CDT1: variants seen among roughly 807,000 people sequenced by gnomAD.
CDT1 encodes DNA replication factor Cdt1.
A neutral mutation model predicts 49.3 loss-of-function variants in CDT1; 66 were observed. The observed-to-expected ratio is 1.34, with a 90% CI of 1.10 to 1.64. The LOEUF (loss-of-function observed/expected upper bound fraction) is 1.64, where lower values mean the gene tolerates loss of function less well. Among genes scored for constraint, CDT1 ranks in the 40% most tolerant of loss-of-function variants. CDT1 has a pLI of 0.00. For missense variants in CDT1, 958 were observed against 807.7 expected (o/e 1.19, Z -2.26); for synonymous variants, 424 against 347.4 (o/e 1.22, Z -2.45).
chr16:88,807,271 C>T lies in CDT1; in HGVS notation c.1276-10C>T, dbSNP rs1211968715. On this transcript the variant is annotated splice_polypyrimidine_tract_variant and intron_variant, in intron 8 of 9. Transcript: ENST00000301019. ...GCTGCCCACTAACCAGGTCCCGGTA[C>T]CTGCTGCAGATCCGAGCCAAGGAGG... The T allele has an allele frequency of 3.7e-6, 6 of 1,611,940 alleles. No homozygotes were observed. The East Asian group carries it at 1.3e-4, about 36-fold the overall frequency.
At chr16:88,806,327 T>C (rs1908854669) in intron 6 of CDT1, 159 bp from the exon 7 acceptor site, 4 of 1,038,090 alleles carry the variant, frequency 3.9e-6, no homozygotes, top group East Asian at 5.2e-5. Context: ...GCGCGGACCA[T>C]GGGAGGCCTT....
rs769470361 is a variant in CDT1, at chr16:88,805,848, A to G, written c.811A>G (p.Ile271Val). The change falls in exon 5 of 10, where the codon ATC (isoleucine) becomes GTC (valine). Residue 271 changes from isoleucine (I) to valine (V), a missense_variant. Coordinates refer to ENST00000301019, the MANE Select transcript of CDT1 (RefSeq NM_030928.4). The part of the protein sequence containing the change: ...GTRRSDYQLT[I>V]EPLLEQEADG... ...CAGGAGGTCAGATTACCAGCTCACCATCGAGCCACTGCTGGAGCAGGGTGA... is the reference window on the plus strand; with the variant it reads ...CAGGAGGTCAGATTACCAGCTCACCGTCGAGCCACTGCTGGAGCAGGGTGA... The G allele has an allele frequency of 9.9e-6, 16 of 1,612,728 alleles. No homozygotes were observed. Among genetic ancestry groups the G allele is most frequent in the Non-Finnish European group, 1.4e-5 (16 of 1,179,948 alleles).
At position 88,808,068 on chromosome 16, in the gene CDT1, G is replaced by A. The variant is rs367854954; in HGVS notation, c.1478-47G>A. On this transcript the variant is annotated intron_variant, in intron 9 of 9. Coordinates refer to ENST00000301019, the MANE Select transcript of CDT1 (RefSeq NM_030928.4). Reference sequence around the variant, plus strand: ...GCTGGTTTCAAGTGCTGCCCGTGCAGGGCTGGGGCCCAGCACCAGCCTCAG... The same window carrying A: ...GCTGGTTTCAAGTGCTGCCCGTGCAAGGCTGGGGCCCAGCACCAGCCTCAG... 1.9e-5 allele frequency: 30 copies of A among 1,599,142 alleles called. No homozygotes were observed. The African/African-American group carries it at 3.3e-4, about 18-fold the overall frequency.
rs537826930 is a variant in CDT1, at chr16:88,807,948, C to G, written c.1478-167C>G. On this transcript the variant is annotated intron_variant, in intron 9 of 9. Coordinates refer to ENST00000301019, the MANE Select transcript of CDT1 (RefSeq NM_030928.4). ...TCTCTCCGGTCACTGTTCACACCAC[C>G]CAGACCTGGGCCTCTGATCAGAACC... 1.2e-4 allele frequency among the ~76,000 whole-genome samples: 18 copies of G among 152,348 alleles called. 1 individual carries two copies. The South Asian group carries it at 2.9e-3, about 25-fold the overall frequency.
At position 88,804,020 on chromosome 16, in the gene CDT1, G is replaced by A; in HGVS notation, c.189G>A (p.Arg63=). Residue 63 remains arginine (R), a synonymous_variant, in exon 1 of 10, where the codon AGG becomes AGA. Coordinates refer to ENST00000301019, the MANE Select transcript of CDT1 (RefSeq NM_030928.4). The part of the protein sequence containing the change: ...PPAAPGRDQA[R]PPARRRLRLS... ...CCGCCCCCGGACGCGACCAGGCCAG[G>A]CCACCGGCCCGCAGGAGACTGCGGC... 6.8e-7 allele frequency: 1 copy of A among 1,463,176 alleles called. No individual in the cohort carries two copies. Among genetic ancestry groups the A allele is most frequent in the Non-Finnish European group, 9.0e-7 (1 of 1,114,364 alleles). The allele number at this position is 1,463,176 out of a possible 1,614,324, so 90.6% of individuals were successfully genotyped here. A position where few individuals can be genotyped will look rare whatever the true frequency, so the allele number is the denominator to read the frequency against.
At position 88,809,096 on chromosome 16, in the gene CDT1, G is replaced by C. The variant is rs781530983; in HGVS notation, c.*818G>C. ...TTCATGACAGGGCCAGAGCCAGCCA[G>C]CTTTGAAGACGCGGCCCTGCCCCGA... is the stretch of plus-strand genomic sequence containing the variant. On this transcript the variant is annotated 3_prime_UTR_variant, in exon 10 of 10. Transcript: ENST00000301019. 9.8e-5 allele frequency: 24 copies of C among 244,590 alleles called. No individual in the cohort carries two copies. The highest frequency in any genetic ancestry group is 2.1e-4 in the Admixed American group (4 of 19,478). 15.2% of individuals were successfully genotyped at this position (244,590 alleles called of 1,614,324 possible).
At chr16:88,807,658 CCT>C (rs1908918178) in intron 9 of CDT1, among the ~76,000 whole-genome samples, 176 bp downstream of exon 9, 2 of 152,200 alleles carry the variant, frequency 1.3e-5, no homozygotes, top group South Asian at 4.1e-4. Context: ...TGGAGCCACC[CCT>C]GAGCCTCCGC....
In CDT1 at chr16:88,807,154, C is replaced by T. The variant is rs760009000; in HGVS notation, c.1226C>T (p.Ala409Val). ...LPATPPATPP[A>V]ASPSALKGVS... ...GCTACCCCACCAGCCACCCCGCCTGCAGCCTCTCCCAGTGCTCTGAAGGGG... is the reference window on the plus strand; with the variant it reads ...GCTACCCCACCAGCCACCCCGCCTGTAGCCTCTCCCAGTGCTCTGAAGGGG... The change falls in exon 8 of 10, where the codon GCA (alanine) becomes GTA (valine). Residue 409 changes from alanine to valine, a missense_variant. Ala to Val is a moderately conservative substitution (Grantham distance 64). Coordinates refer to ENST00000301019, the MANE Select transcript of CDT1 (RefSeq NM_030928.4). 2 of 1,612,548 alleles carry T rather than the reference C, an allele frequency of 1.2e-6. No homozygotes were observed. Among genetic ancestry groups the T allele is most frequent in the African/African-American group, 1.3e-5 (1 of 75,068 alleles).
rs1187766769 is a variant in CDT1, at chr16:88,805,765, A to G, written c.728A>G (p.Tyr243Cys). The change falls in exon 5 of 10, where the codon TAC (tyrosine) becomes TGC (cysteine). Residue 243 changes from tyrosine (Y) to cysteine (C), a missense_variant. Tyr to Cys is a radical substitution (Grantham distance 194, BLOSUM62 -2). Coordinates refer to ENST00000301019, the MANE Select transcript of CDT1 (RefSeq NM_030928.4). ...AATGTTGGCCAGATCAAAACCGTGT[A>G]CCCGGCCTCCTACCGCTTCCGCCAG... The part of the protein sequence containing the change: ...ECNVGQIKTV[Y>C]PASYRFRQER... The G allele has an allele frequency of 3.1e-6, 5 of 1,612,894 alleles. No homozygotes were observed. Among genetic ancestry groups the G allele is most frequent in the Non-Finnish European group, 4.2e-6 (5 of 1,179,964 alleles).
rs766213181 is a variant in CDT1, at chr16:88,804,723, G to C, written c.352-39G>C. 1.9e-6 allele frequency: 3 copies of C among 1,612,662 alleles called. No individual in the cohort carries two copies. The South Asian group carries it at 3.3e-5, about 18-fold the overall frequency. On this transcript the variant is annotated intron_variant, in intron 2 of 9. Transcript: ENST00000301019. ...AGGGCTGAGTGGTGCCGGCCTGCCT[G>C]CCTGCCTGACGGCACCGTGTCCCCT...
At position 88,806,797 on chromosome 16, in the gene CDT1, G is replaced by C. The variant is rs1215698499; in HGVS notation, c.1122+123G>C. 3 of 1,340,318 alleles carry C rather than the reference G, an allele frequency of 2.2e-6. No homozygotes were observed. In the Admixed American group the frequency reaches 6.1e-5, roughly 27 times the overall value. The allele number at this position is 1,340,318 out of a possible 1,614,324, so 83.0% of individuals were successfully genotyped here. On this transcript the variant is annotated intron_variant, in intron 7 of 9. Coordinates refer to ENST00000301019, the MANE Select transcript of CDT1 (RefSeq NM_030928.4). ...CCTCATCTGGCTTCCTCCTTGGCTG[G>C]CGGATCCAGAGAGTTGGTGGCATTT...
chr16:88,805,686 C>T, intron 4 of CDT1, 38 bp from the exon 5 acceptor site: 12 of 1,612,572 alleles, frequency 7.4e-6, no homozygotes, highest in Non-Finnish European at 1.0e-5. Context: ...GGGGGTGGGC[C>T]CGGGCCTGCC....
rs760003134 is a variant in CDT1 at position 88,805,462 on chromosome 16, C to A, written c.511C>A (p.Gln171Lys). The change falls in exon 4 of 10, where the codon CAG (glutamine) becomes AAG (lysine). Residue 171 changes from glutamine (Q) to lysine (K), a missense_variant. By Grantham distance (53) the Gln-to-Lys change is moderately conservative. Transcript: ENST00000301019. ...CAGTGGCGAGAAGGCGCCCGCCTAC[C>A]AGCGCTTCCATGCCCTGGCCCAGCC... ...EPCGEKAPAY[Q>K]RFHALAQPGL... 12 of 1,612,766 alleles carry A rather than the reference C, an allele frequency of 7.4e-6. No individual in the cohort carries two copies. The South Asian group carries it at 1.2e-4, about 16-fold the overall frequency.
rs774767743 is a variant in CDT1 at position 88,806,114 on chromosome 16, A to G, written c.926A>G (p.His309Arg). 4.4e-6 allele frequency: 7 copies of G among 1,597,900 alleles called. No individual in the cohort carries two copies. The Admixed American group carries it at 8.4e-5, about 19-fold the overall frequency. ...SQKLVEHVKEHHKAFLASLSP... is the reference protein window; with the variant it reads ...SQKLVEHVKERHKAFLASLSP... ...AAGCTGGTGGAGCATGTCAAGGAGCACCACAAGGTGAGCGGCCCCCGGCCC... is the reference window on the plus strand; with the variant it reads ...AAGCTGGTGGAGCATGTCAAGGAGCGCCACAAGGTGAGCGGCCCCCGGCCC... The change falls in exon 6 of 10, where the codon CAC becomes CGC. Residue 309 changes from histidine (H) to arginine (R), a missense_variant. Transcript: ENST00000301019.
chr16:88,806,376 G>A, intron 6 of CDT1, 110 bp from the exon 7 acceptor site: 1 of 1,319,538 alleles, frequency 7.6e-7, no homozygotes, highest in Middle Eastern at 1.8e-4. Flanking sequence ...CAGAGGCTGA[G>A]TGACTTGCCC....
Position 88,807,050 on chromosome 16 carries a change from G to A in CDT1, c.1123-1G>A. On this transcript the variant is annotated splice_acceptor_variant, in intron 7 of 9. Transcript: ENST00000301019. LOFTEE classifies it high-confidence loss of function. ...TCCAGTCCAACCTGTCCCTCCCGCA[G>A]ATGGAGAAGGCCTTGAGTCAATTGG... The A allele has an allele frequency of 6.2e-7, 1 of 1,612,880 alleles. No homozygotes were observed. Among genetic ancestry groups the A allele is most frequent in the South Asian group, 1.1e-5 (1 of 91,092 alleles).
rs963195310 is a variant in CDT1 at position 88,808,572 on chromosome 16, G to C, written c.*294G>C. On this transcript the variant is annotated 3_prime_UTR_variant, in exon 10 of 10. Transcript: ENST00000301019. ...ATCCAGCACCCCCTGGGGGGCCATC[G>C]GGAGTGTGGCTGGGGGTGAAGGGGG... 2 of 489,726 alleles carry C rather than the reference G, an allele frequency of 4.1e-6. No homozygotes were observed. The highest frequency in any genetic ancestry group is 7.3e-6 in the Non-Finnish European group (2 of 272,488). The allele number at this position is 489,726 out of a possible 1,614,324, so 30.3% of individuals were successfully genotyped here.
intron 6 of CDT1, 88 bp from the exon 7 acceptor site, chr16:88,806,398 G>T: frequency 3.4e-6 from 5 of 1,481,796 alleles, no homozygotes; most frequent in Non-Finnish European, 4.6e-6. Flanking sequence ...AGGCGGCCCG[G>T]CTGGGACGTA....
At chr16:88,806,150 A>G (rs749759525) in intron 6 of CDT1, 29 bp downstream of exon 6, 3 of 1,538,372 alleles carry the variant, frequency 2.0e-6, no homozygotes, top group Non-Finnish European at 2.6e-6. Context: ...CGCTGTGTGA[A>G]GATGGTGGCA....
Sources: gnomAD v4.1 joint callset for allele counts (sites outside exome capture counted in the v4.1 genomes callset) on GRCh38, gnomAD v4.1.1 for gene constraint, MANE v1.5 for transcripts, NCBI Gene and HGNC (gene_info 2026-07-23, HGNC 2026-07-21) for gene names.